Variants in CHD3 observed in about 807,000 individuals in gnomAD.
CHD3 encodes the protein chromodomain helicase DNA binding protein 3, also known as ATP-dependent chromatin remodeler CHD3.
CHD3 carries 52 observed loss-of-function variants against 248.9 expected under a neutral mutation model. That is an observed-to-expected ratio of 0.21 (90% CI 0.17 to 0.26). CHD3 has a LOEUF of 0.26. CHD3 is among the 10% of genes least tolerant of loss of function. The pLI, the probability that CHD3 is intolerant of heterozygous loss-of-function variation, is 1.00. For synonymous variants in CHD3, 985 were observed against 985.2 expected (o/e 1.00, Z 0.00); for missense variants, 1,482 against 2,605.8 (o/e 0.57, Z 9.39).
rs1306527244 is a variant in CHD3 at position 7,911,580 on chromosome 17, G to A, written c.5998G>A (p.Asp2000Asn). ...PRAGEVICID[D>N] ...AGCCGGGGAGGTGATCTGTATAGAC[G>A]ACTGACTGGATCCCAGGCCTGCCCT... The change falls in exon 40 of 40, where the codon GAC becomes AAC. Residue 2000 changes from aspartate (D) to asparagine (N), a missense_variant. Physicochemically the swap from Asp to Asn is conservative, Grantham distance 23. Coordinates refer to ENST00000330494, the MANE Select transcript of CHD3 (RefSeq NM_001005273.3). This position sits in a 1 kb window ranked among gnomAD's most constrained non-coding sequence, Gnocchi z 5.4. 6 of 1,613,954 alleles carry A rather than the reference G, an allele frequency of 3.7e-6. No homozygotes were observed. The highest frequency in any genetic ancestry group is 5.1e-6 in the Non-Finnish European group (6 of 1,179,988).
intron 21 of CHD3, 54 bp from the exon 22 acceptor site, chr17:7,902,883 G>C: frequency 6.2e-7 from 1 of 1,603,500 alleles, no homozygotes; most frequent in Non-Finnish European, 8.5e-7. Flanking sequence ...TCTAGGAGCA[G>C]GTGGACAGAA....
chr17:7,898,952 C>G, intron 13 of CHD3, 59 bp from the exon 14 acceptor site: 1 of 1,463,070 alleles, frequency 6.8e-7, no homozygotes, highest in East Asian at 2.3e-5. Flanking sequence ...GAGGAAGAGA[C>G]TAAGACTGGA....
intron 8 of CHD3, 130 bp from the exon 9 acceptor site, chr17:7,894,787 G>A (rs1186912308): frequency 6.9e-7 from 1 of 1,440,440 alleles, no homozygotes; most frequent in Non-Finnish European, 9.4e-7. Context: ...AAACTGGAGT[G>A]TCCTTTTCCT....
Position 7,906,655 on chromosome 17 carries a change from G to T in CHD3, c.4461G>T (p.Gln1487His). The change falls in exon 29 of 40, where the codon CAG becomes CAT. Residue 1487 changes from glutamine (Q) to histidine (H), a missense_variant. Transcript: ENST00000330494. This position sits in a 1 kb window ranked among gnomAD's most constrained non-coding sequence, Gnocchi z 5.0. ...GVPREGLSRQ[Q>H]VLTRIGVMSL... Reference sequence around the variant, plus strand: ...CTCGGGAGGGACTGAGTCGCCAGCAGGTGTTGACCCGCATTGGAGTCATGT... The same window carrying T: ...CTCGGGAGGGACTGAGTCGCCAGCATGTGTTGACCCGCATTGGAGTCATGT... 2 of 1,613,108 alleles carry T rather than the reference G, an allele frequency of 1.2e-6. No individual in the cohort carries two copies. The highest frequency in any genetic ancestry group is 1.7e-6 in the Non-Finnish European group (2 of 1,179,600).
chr17:7,890,173 G>A (rs1968621525), intron 2 of CHD3, among the ~76,000 whole-genome samples: 1 of 152,204 alleles, frequency 6.6e-6, no homozygotes, highest in African/African-American at 2.4e-5. Context: ...GCTCACGCCT[G>A]TAATCCCAGC....
At chr17:7,885,058 CCCG>C (rs1226429921), upstream of CHD3, 50 of 951,118 alleles carry the variant, frequency 5.3e-5, no homozygotes, top group Middle Eastern at 5.3e-4. Flanking sequence ...CACCGCTGCC[CCCG>C]CCGCCGCCGC....
At position 7,904,924 on chromosome 17, in the gene CHD3, G is replaced by A. The variant is rs1970741586; in HGVS notation, c.4073-176G>A. Among the ~76,000 whole-genome samples, 1 of 152,170 alleles carries A rather than the reference G, an allele frequency of 6.6e-6. No individual in the cohort carries two copies. Among genetic ancestry groups the A allele is most frequent in the South Asian group, 2.1e-4 (1 of 4,830 alleles). On this transcript the variant is annotated intron_variant, in intron 25 of 39. Coordinates refer to ENST00000330494, the MANE Select transcript of CHD3 (RefSeq NM_001005273.3). The surrounding 1 kb of genome is among the most constrained non-coding windows in gnomAD (Gnocchi z 4.4). ...AAGGTGGGCGGTGAATGGAGATGGTGTAGGATATGCGGCTCCCAAGTCAGA... is the reference window on the plus strand; with the variant it reads ...AAGGTGGGCGGTGAATGGAGATGGTATAGGATATGCGGCTCCCAAGTCAGA...
rs190176614 is a variant in CHD3 at position 7,889,428 on chromosome 17, G to A, written c.101-236G>A. Among the ~76,000 whole-genome samples, 50 of 152,356 alleles carry A rather than the reference G, an allele frequency of 3.3e-4. No individual in the cohort carries two copies. Among genetic ancestry groups the A allele is most frequent in the Non-Finnish European group, 5.1e-4 (35 of 68,018 alleles). On this transcript the variant is annotated intron_variant, in intron 1 of 39. Coordinates refer to ENST00000330494, the MANE Select transcript of CHD3 (RefSeq NM_001005273.3). This position sits in a 1 kb window ranked among gnomAD's most constrained non-coding sequence, Gnocchi z 4.5. Reference sequence around the variant, plus strand: ...TGGTCTCTTGTTAGTAGGAGGGGAGGGAGGGGAGTGGTTTGGCTGCTCTTC... The same window carrying A: ...TGGTCTCTTGTTAGTAGGAGGGGAGAGAGGGGAGTGGTTTGGCTGCTCTTC...
chr17:7,907,207 C>T lies in CHD3; in HGVS notation c.4748C>T (p.Pro1583Leu). The stretch of plus-strand genomic sequence containing the variant: ...GAAGCTGAAAACCAGGAGGAAAAGC[C>T]AGAGAAGAACAGCAGAATTGGGGAG... ...KEEAENQEEKPEKNSRIGEKM... is the reference protein window; with the variant it reads ...KEEAENQEEKLEKNSRIGEKM... The change falls in exon 31 of 40, where the codon CCA becomes CTA. Residue 1583 changes from proline to leucine, a missense_variant. Pro to Leu is a moderately conservative substitution (Grantham distance 98). Around this residue, in one of 20 missense-constraint regions of CHD3, gnomAD observed 254 missense variants for 266.7 expected, o/e 0.95. Transcript: ENST00000330494. The surrounding 1 kb of genome is among the most constrained non-coding windows in gnomAD (Gnocchi z 4.3). 1 of 1,614,232 alleles carries T rather than the reference C, an allele frequency of 6.2e-7. No homozygotes were observed. Among genetic ancestry groups the T allele is most frequent in the East Asian group, 2.2e-5 (1 of 44,890 alleles).
Position 7,899,259 on chromosome 17 carries a change from G to A in CHD3, c.2343+57G>A. The A allele has an allele frequency of 6.2e-7, 1 of 1,600,658 alleles. No individual in the cohort carries two copies. On this transcript the variant is annotated intron_variant, in intron 14 of 39. Transcript: ENST00000330494. The surrounding 1 kb of genome is among the most constrained non-coding windows in gnomAD (Gnocchi z 6.8). ...CCTGGACTGGGGAAGTGGGGAGGGG[G>A]AAGATAAAGGGGTGTAGCTGGCAGA... is the stretch of plus-strand genomic sequence containing the variant.
rs753046059 is a variant in CHD3, at chr17:7,889,119, G to A, written c.100+19G>A. The A allele has an allele frequency of 6.2e-7, 1 of 1,614,154 alleles. No homozygotes were observed. The highest frequency in any genetic ancestry group is 1.3e-5 in the African/African-American group (1 of 75,068). ...ATGCCTGGTAATTATCCGAGGAAAT[G>A]TAAATAGAGGCCTCCCTCTTGGCAA... On this transcript the variant is annotated intron_variant, in intron 1 of 39. Transcript: ENST00000330494. The surrounding 1 kb of genome is among the most constrained non-coding windows in gnomAD (Gnocchi z 4.5).
In CHD3 at chr17:7,912,360, GGA is replaced by G. The variant is rs1185745179; in HGVS notation, c.*780_*781del. On this transcript the variant is annotated 3_prime_UTR_variant, in exon 40 of 40. Coordinates refer to ENST00000330494, the MANE Select transcript of CHD3 (RefSeq NM_001005273.3). ...GGGACCCAGGTAACCTAGAAGGGTG[GGA>G]GAGAATACAATGGGCCAGATGTGGT... 3 of 152,670 alleles carry G rather than the reference GGA, an allele frequency of 2.0e-5. No individual in the cohort carries two copies. Among genetic ancestry groups the G allele is most frequent in the African/African-American group, 7.2e-5 (3 of 41,414 alleles). 9.5% of individuals were successfully genotyped at this position (152,670 alleles called of 1,614,324 possible).
chr17:7,889,792 TC>T lies in CHD3; in HGVS notation c.213+18del. The T allele has an allele frequency of 3.8e-6, 6 of 1,597,052 alleles. No homozygotes were observed. Among genetic ancestry groups the T allele is most frequent in the Non-Finnish European group, 4.3e-6 (5 of 1,169,040 alleles). ...CAAGAAGCGTGTAAGTGTCAAGAAT[TC>T]CTAACTCTGTGGCAAGGCTCAAGAG... On this transcript the variant is annotated intron_variant, in intron 2 of 39. Transcript: ENST00000330494. This position sits in a 1 kb window ranked among gnomAD's most constrained non-coding sequence, Gnocchi z 4.5.
At position 7,911,413 on chromosome 17, in the gene CHD3, C is replaced by T. The variant is rs764149235; in HGVS notation, c.5882-51C>T. 5.1e-5 allele frequency: 82 copies of T among 1,613,178 alleles called. No individual in the cohort carries two copies. Among genetic ancestry groups the T allele is most frequent in the South Asian group, 4.5e-4 (41 of 90,992 alleles). ...AGAATTCACCATTGTCATGAAGTGA[C>T]GTTTGAGAGTGATCTGGAGATTGAT... On this transcript the variant is annotated intron_variant, in intron 39 of 39. Coordinates refer to ENST00000330494, the MANE Select transcript of CHD3 (RefSeq NM_001005273.3). This position sits in a 1 kb window ranked among gnomAD's most constrained non-coding sequence, Gnocchi z 5.4.
rs750518131 is a variant in CHD3 at position 7,900,454 on chromosome 17, A to G, written c.2804+43A>G. 1 of 1,613,670 alleles carries G rather than the reference A, an allele frequency of 6.2e-7. No homozygotes were observed. Among genetic ancestry groups the G allele is most frequent in the Admixed American group, 1.7e-5 (1 of 59,972 alleles). Reference sequence around the variant, plus strand: ...GGTAGTTGGCAGAGATGAGAGGTGGAGCAGATAAAATGAGCTGGTAGAGGA... The same window carrying G: ...GGTAGTTGGCAGAGATGAGAGGTGGGGCAGATAAAATGAGCTGGTAGAGGA... On this transcript the variant is annotated intron_variant, in intron 17 of 39. Coordinates refer to ENST00000330494, the MANE Select transcript of CHD3 (RefSeq NM_001005273.3). The surrounding 1 kb of genome is among the most constrained non-coding windows in gnomAD (Gnocchi z 6.5).
At chr17:7,886,788 C>T (rs922856464), upstream of CHD3, among the ~76,000 whole-genome samples, 13 of 151,964 alleles carry the variant, frequency 8.6e-5, no homozygotes, top group African/African-American at 3.1e-4. This position sits in a 1 kb window ranked among gnomAD's most constrained non-coding sequence, Gnocchi z 4.2. Context: ...CAGCGCTCAC[C>T]TATTTGTATT....
rs1597960912 is a variant in CHD3 at position 7,898,480 on chromosome 17, C to T, written c.2052-16C>T. The T allele has an allele frequency of 6.3e-7, 1 of 1,594,972 alleles. No homozygotes were observed. Among genetic ancestry groups the T allele is most frequent in the Non-Finnish European group, 8.6e-7 (1 of 1,163,542 alleles). On this transcript the variant is annotated splice_polypyrimidine_tract_variant and intron_variant, in intron 12 of 39. Transcript: ENST00000330494. ...TCCCAAGGATGAGGCCTCATTCAGA[C>T]CCACTCTTTTTCCAGAGAACTAATT...
intron 20 of CHD3, 109 bp from the exon 21 acceptor site, chr17:7,902,500 AG>A: frequency 1.6e-6 from 1 of 624,222 alleles, no homozygotes; most frequent in Non-Finnish European, 2.9e-6. Flanking sequence ...AAGACAGGGC[AG>A]GGGTTCAGGT....
intron 12 of CHD3, 47 bp downstream of exon 12, chr17:7,898,149 A>T (rs536151795): frequency 6.2e-7 from 1 of 1,603,344 alleles, no homozygotes; most frequent in Admixed American, 1.7e-5. Flanking sequence ...CGATGAGGGC[A>T]TGAAAGCCAA....
Sources: gnomAD v4.1 joint callset for allele counts (sites outside exome capture counted in the v4.1 genomes callset) on GRCh38, gnomAD v4.1.1 for gene constraint, gnomAD v4.1.1 regional missense constraint, Gnocchi (gnomAD v3.1) non-coding constraint, MANE v1.5 for transcripts, NCBI Gene and HGNC (gene_info 2026-07-23, HGNC 2026-07-21) for gene names.